The following PIAS1 variants were observed in gnomAD, a reference collection of about 807,000 sequenced individuals.
PIAS1 encodes E3 SUMO-protein ligase PIAS1.
Under a neutral mutation model 71.3 loss-of-function variants are expected in PIAS1, and 6 were observed. The ratio of observed to expected loss-of-function variants is 0.08; its 90% confidence interval spans 0.05 to 0.17. The LOEUF is 0.17. Among genes scored for constraint, PIAS1 ranks in the 10% least tolerant of loss-of-function variants. The pLI, the probability that PIAS1 is intolerant of heterozygous loss-of-function variation, is 1.00. For missense variants in PIAS1, 555 were observed against 793.6 expected (o/e 0.70, Z 3.61); for synonymous variants, 303 against 292.9 (o/e 1.03, Z -0.35).
At chr15:68,075,615 C>T (rs1406278486) in intron 1 of PIAS1, among the ~76,000 whole-genome samples, 1 of 152,044 alleles carries the variant, frequency 6.6e-6, no homozygotes, top group Non-Finnish European at 1.5e-5. Flanking sequence ...TGAAAGTCTT[C>T]CATTCTGTGT....
intron 12 of PIAS1, 131 bp from the exon 13 acceptor site, chr15:68,183,499 A>G (rs1412208460): frequency 5.2e-6 from 3 of 582,238 alleles, no homozygotes; most frequent in Non-Finnish European, 9.5e-6. Context: ...GTTTAGCTCA[A>G]CTCTTCATGT....
At chr15:68,064,142 ATGGC>A (rs1286162515) in intron 1 of PIAS1, among the ~76,000 whole-genome samples, 55 of 152,320 alleles carry the variant, frequency 3.6e-4, no homozygotes, top group Middle Eastern at 3.4e-3. Context: ...ACTTGAAAAA[ATGGC>A]TGGCAAAGTA....
At chr15:68,156,979 G>C (rs2092894678) in intron 7 of PIAS1, among the ~76,000 whole-genome samples, 1 of 152,162 alleles carries the variant, frequency 6.6e-6, no homozygotes, top group Non-Finnish European at 1.5e-5. Context: ...ATAATGTCTT[G>C]AACTAAGGTG....
intron 9 of PIAS1, 143 bp from the exon 10 acceptor site, chr15:68,175,492 CAT>C (rs1173894483): frequency 3.0e-6 from 1 of 336,680 alleles, no homozygotes. Context: ...TTCATGGTCA[CAT>C]GATATTTTCT....
At chr15:68,066,053 C>G (rs1041833708) in intron 1 of PIAS1, among the ~76,000 whole-genome samples, 1 of 149,368 alleles carries the variant, frequency 6.7e-6, no homozygotes, top group African/African-American at 2.5e-5. Context: ...CTGCACCTGG[C>G]TTGAAGTACT....
In PIAS1 at chr15:68,188,117, C is replaced by T. The variant is rs996686240; in HGVS notation, c.*282C>T. 1 of 224,126 alleles carries T rather than the reference C, an allele frequency of 4.5e-6. No homozygotes were observed. The highest frequency in any genetic ancestry group is 2.3e-5 in the African/African-American group (1 of 43,986). The allele number at this position is 224,126 out of a possible 1,614,324, so 13.9% of individuals were successfully genotyped here. A position where few individuals can be genotyped will look rare whatever the true frequency, so the allele number is the denominator to read the frequency against. ...AGAAAAACAAGCACCCACAAACCACCTTCAGTTCATTTTTTTCTGGATTCT... is the reference window on the plus strand; with the variant it reads ...AGAAAAACAAGCACCCACAAACCACTTTCAGTTCATTTTTTTCTGGATTCT... On this transcript the variant is annotated 3_prime_UTR_variant, in exon 14 of 14. Transcript: ENST00000249636.
intron 8 of PIAS1, among the ~76,000 whole-genome samples, chr15:68,168,419 A>G (rs1429583335): frequency 6.6e-6 from 1 of 152,218 alleles, no homozygotes; most frequent in African/African-American, 2.4e-5. Context: ...ACTTTTATCT[A>G]GAATGTTTTC....
chr15:68,144,980 C>G (rs2092798207), intron 4 of PIAS1, among the ~76,000 whole-genome samples: 1 of 152,020 alleles, frequency 6.6e-6, no homozygotes, highest in Non-Finnish European at 1.5e-5. Context: ...AGGGTTCTCC[C>G]TACTATGTAA....
chr15:68,181,911 TCCTCCTGCCTCGG>T (rs2093055479), intron 12 of PIAS1: 1 of 152,822 alleles, frequency 6.5e-6, no homozygotes, highest in Admixed American at 6.5e-5. Context: ...GACCTCGTGG[TCCTCCTGCCTCGG>T]CCTCCCAAAG....
At chr15:68,142,070 A>T (rs2092774496) in intron 3 of PIAS1, 40 bp downstream of exon 3, 1 of 1,297,634 alleles carries the variant, frequency 7.7e-7, no homozygotes. Flanking sequence ...TTGACCTTTG[A>T]ATCCAGTAGT....
chr15:68,153,346 A>G (rs2092862408), intron 6 of PIAS1, among the ~76,000 whole-genome samples: 2 of 152,176 alleles, frequency 1.3e-5, no homozygotes, highest in South Asian at 4.1e-4. Context: ...TTGCAAAATT[A>G]GGGCAAGTTC....
Position 68,086,755 on chromosome 15 carries a change from GATT to G in PIAS1, c.469+9_469+11del. Reference sequence around the variant, plus strand: ...TGATAAAACCCACCAGTCTAGGTAAGATTATTGTATGATAGTATTTGGTTACTT... The same window carrying G: ...TGATAAAACCCACCAGTCTAGGTAAGATTGTATGATAGTATTTGGTTACTT... On this transcript the variant is annotated splice_donor_region_variant and intron_variant, in intron 2 of 13. Coordinates refer to ENST00000249636, the MANE Select transcript of PIAS1 (RefSeq NM_016166.3). The surrounding 1 kb of genome is among the most constrained non-coding windows in gnomAD (Gnocchi z 7.2). 1 of 1,574,706 alleles carries G rather than the reference GATT, an allele frequency of 6.4e-7. No homozygotes were observed. Among genetic ancestry groups the G allele is most frequent in the Non-Finnish European group, 8.7e-7 (1 of 1,145,752 alleles).
chr15:68,093,945 A>G (rs190186662), intron 2 of PIAS1, among the ~76,000 whole-genome samples: 141 of 152,316 alleles, frequency 9.3e-4, no homozygotes, highest in African/African-American at 3.4e-3. Flanking sequence ...TTTGGACGCT[A>G]CAGACTGAAG....
chr15:68,055,283 C>T (rs2091883390), intron 1 of PIAS1: 8 of 841,318 alleles, frequency 9.5e-6, no homozygotes, highest in Non-Finnish European at 1.1e-5. Context: ...GTAGGGACAT[C>T]TTGCTGGCCA....
chr15:68,168,153 C>A (rs1217562595), intron 8 of PIAS1, among the ~76,000 whole-genome samples: 1 of 151,604 alleles, frequency 6.6e-6, no homozygotes, highest in African/African-American at 2.4e-5. Context: ...GTATTACAGG[C>A]GCCTGTCACC....
intron 2 of PIAS1, among the ~76,000 whole-genome samples, chr15:68,116,073 A>AT (rs559469551): frequency 1.8e-4 from 26 of 148,388 alleles, no homozygotes; most frequent in South Asian, 4.3e-4. Context: ...TTTCTTTTCC[A>AT]TTTTTTTTTG....
rs920633985 is a variant in PIAS1, at chr15:68,186,783, A to G, written c.1663-759A>G. Among the ~76,000 whole-genome samples the G allele has an allele frequency of 3.9e-5, 6 of 152,236 alleles. No individual in the cohort carries two copies. Among genetic ancestry groups the G allele is most frequent in the Non-Finnish European group, 7.3e-5 (5 of 68,040 alleles). On this transcript the variant is annotated intron_variant, in intron 13 of 13. Coordinates refer to ENST00000249636, the MANE Select transcript of PIAS1 (RefSeq NM_016166.3). This position sits in a 1 kb window ranked among gnomAD's most constrained non-coding sequence, Gnocchi z 4.4. ...ACTTAGCATTGTGTTACAGTTGCCT[A>G]CGGCATTCAGCACAGTAACATGCTG...
chr15:68,169,389 A>T (rs2092976441), intron 8 of PIAS1, among the ~76,000 whole-genome samples: 3 of 152,148 alleles, frequency 2.0e-5, no homozygotes, highest in Non-Finnish European at 2.9e-5. Flanking sequence ...AATCATAAAA[A>T]ATTGGCTGGG....
chr15:68,123,404 A>G (rs2092626794), intron 2 of PIAS1, among the ~76,000 whole-genome samples: 1 of 152,158 alleles, frequency 6.6e-6, no homozygotes, highest in Non-Finnish European at 1.5e-5. Flanking sequence ...AGACACACAA[A>G]GTTATGAGTT....
Sources: gnomAD v4.1 joint callset for allele counts (sites outside exome capture counted in the v4.1 genomes callset) on GRCh38, gnomAD v4.1.1 for gene constraint, Gnocchi (gnomAD v3.1) non-coding constraint, MANE v1.5 for transcripts, NCBI Gene and HGNC (gene_info 2026-07-23, HGNC 2026-07-21) for gene names.